The following CEP83 variants were observed in gnomAD, a reference collection of about 807,000 sequenced individuals.
The protein encoded by CEP83 is centrosomal protein 83.
CEP83 carries 70 observed loss-of-function variants against 101.9 expected under a neutral mutation model. That is an observed-to-expected ratio of 0.69 (90% CI 0.57 to 0.84). The LOEUF is 0.84. Ranked by LOEUF, CEP83 falls within the 40% of genes least tolerant of loss-of-function variation. CEP83 has a pLI of 0.00. For synonymous variants in CEP83, 264 were observed against 267.9 expected (o/e 0.99, Z 0.14); for missense variants, 715 against 787.2 (o/e 0.91, Z 1.10).
At chr12:94,266,859 G>A in the CEP83 span, among the ~76,000 whole-genome samples, 1 of 152,206 alleles carries the variant, frequency 6.6e-6, no homozygotes, top group East Asian at 1.9e-4. Flanking sequence ...AGATCTCATT[G>A]AACCCTTGTT....
intron 15 of CEP83, chr12:94,312,500 G>T: frequency 1.4e-6 from 1 of 725,094 alleles, no homozygotes; most frequent in Non-Finnish European, 1.7e-6. Context: ...ATTATCAGAT[G>T]TGCTTGAATG....
In CEP83 at chr12:94,375,994, T is replaced by G; in HGVS notation, c.825A>C (p.Leu275Phe). The change falls in exon 8 of 17, where the codon TTA (leucine) becomes TTC (phenylalanine). Residue 275 changes from leucine (L) to phenylalanine (F), a missense_variant. By Grantham distance (22) the Leu-to-Phe change is conservative. Transcript: ENST00000397809. ...GCTCTTTTTCCAAACGTTCTGCCCGTAAATTAGCTGATTGTTTTTCAGCCT... is the reference window on the plus strand; with the variant it reads ...GCTCTTTTTCCAAACGTTCTGCCCGGAAATTAGCTGATTGTTTTTCAGCCT... ...SLEAEKQSAN[L>F]RAERLEKELQ... 6.4e-7 allele frequency: 1 copy of G among 1,560,494 alleles called. No individual in the cohort carries two copies. Among genetic ancestry groups the G allele is most frequent in the African/African-American group, 1.4e-5 (1 of 73,302 alleles).
chr12:94,341,304 C>T (rs1034098185), intron 11 of CEP83, among the ~76,000 whole-genome samples: 4 of 151,922 alleles, frequency 2.6e-5, no homozygotes, highest in African/African-American at 7.3e-5. Flanking sequence ...ATCTACTTAT[C>T]ACAGATATAT....
chr12:94,309,881 A>T (rs760817589), intron 16 of CEP83, 37 bp downstream of exon 16: 4 of 1,310,606 alleles, frequency 3.1e-6, no homozygotes, highest in Non-Finnish European at 4.1e-6. Context: ...ACAAAAATGT[A>T]CGACTTTTTT....
Position 94,436,437 on chromosome 12 carries a change from C to T in CEP83, c.-154-1110G>A, listed in dbSNP as rs2065992727. Among the ~76,000 whole-genome samples, 4 of 151,986 alleles carry T rather than the reference C, an allele frequency of 2.6e-5. No individual in the cohort carries two copies. The South Asian group carries it at 6.2e-4, about 24-fold the overall frequency. ...AATTAAATACACACTTAGAGAAATG[C>T]AAAATGCACTGAAAAGTTCCAACAA... is the stretch of plus-strand genomic sequence containing the variant. On this transcript the variant is annotated intron_variant, in intron 1 of 16. Transcript: ENST00000397809.
At chr12:94,318,085 T>C (rs1432108061) in intron 14 of CEP83, among the ~76,000 whole-genome samples, 1 of 152,198 alleles carries the variant, frequency 6.6e-6, no homozygotes, top group Non-Finnish European at 1.5e-5. Context: ...ATTTGTATCA[T>C]CTCTGATTTG....
chr12:94,291,186 G>A, the CEP83 span, among the ~76,000 whole-genome samples: 1 of 152,220 alleles, frequency 6.6e-6, no homozygotes. Context: ...ACAGAGGCCT[G>A]CCTTTGTCAA....
intron 4 of CEP83, among the ~76,000 whole-genome samples, chr12:94,406,944 AC>A (rs1375973622): frequency 6.6e-6 from 1 of 151,746 alleles, no homozygotes; most frequent in Non-Finnish European, 1.5e-5. Flanking sequence ...AAAAAAAAAA[AC>A]AAAATTGAGC....
intron 11 of CEP83, among the ~76,000 whole-genome samples, chr12:94,363,262 A>G (rs2060862789): frequency 6.6e-6 from 1 of 152,218 alleles, no homozygotes; most frequent in Admixed American, 6.5e-5. Flanking sequence ...CACATTGTAT[A>G]CGTGAATCAA....
intron 2 of CEP83, among the ~76,000 whole-genome samples, chr12:94,430,117 A>G (rs907690841): frequency 2.0e-5 from 3 of 152,064 alleles, no homozygotes; most frequent in Non-Finnish European, 4.4e-5. Context: ...CACAATCCAG[A>G]GGCCTGGAGA....
intron 16 of CEP83, among the ~76,000 whole-genome samples, chr12:94,309,538 G>A (rs909954761): frequency 7.2e-5 from 11 of 152,040 alleles, no homozygotes; most frequent in East Asian, 1.9e-4. Context: ...AGCATTTTTC[G>A]TTAGTATTAG....
intron 16 of CEP83, 152 bp from the exon 17 acceptor site, chr12:94,309,069 C>A: frequency 1.7e-6 from 1 of 580,604 alleles, no homozygotes; most frequent in Non-Finnish European, 3.1e-6. Flanking sequence ...ATGGGCTAAA[C>A]TACCATCTAG....
intron 4 of CEP83, among the ~76,000 whole-genome samples, chr12:94,405,122 C>G (rs775447701): frequency 6.6e-6 from 1 of 152,010 alleles, no homozygotes; most frequent in Non-Finnish European, 1.5e-5. Context: ...GTGACAACAT[C>G]AAGAGTCCAA....
chr12:94,335,381 T>G (rs1254951670), intron 12 of CEP83, among the ~76,000 whole-genome samples: 2 of 152,022 alleles, frequency 1.3e-5, no homozygotes, highest in South Asian at 4.1e-4. Flanking sequence ...ATCTTAAGAA[T>G]AATAGCAGTT....
At chr12:94,417,557 G>A (rs142215342) in intron 2 of CEP83, among the ~76,000 whole-genome samples, 4,786 of 152,232 alleles carry the variant, frequency 0.031, 230 homozygotes, top group African/African-American at 0.1. Context: ...GGGAGGCCGA[G>A]GCAGGTGGAT....
At chr12:94,371,138 G>A (rs2061285317) in intron 8 of CEP83, among the ~76,000 whole-genome samples, 1 of 152,196 alleles carries the variant, frequency 6.6e-6, no homozygotes, top group African/African-American at 2.4e-5. Flanking sequence ...TAGAGCACCG[G>A]AAGATGTGAA....
At chr12:94,280,878 C>T in the CEP83 span, among the ~76,000 whole-genome samples, 5 of 152,190 alleles carry the variant, frequency 3.3e-5, no homozygotes, top group African/African-American at 9.7e-5. Context: ...AGGCAAGGAG[C>T]AGAGCAAGGA....
chr12:94,366,246 G>T (rs545068816), intron 11 of CEP83, among the ~76,000 whole-genome samples: 1 of 151,984 alleles, frequency 6.6e-6, no homozygotes, highest in African/African-American at 2.4e-5. Flanking sequence ...ACTCAAAACA[G>T]AATAGAATAG....
the CEP83 span, chr12:94,272,017 A>G: frequency 0.23 from 34,300 of 151,920 alleles, 4,005 homozygotes; most frequent in Admixed American, 0.28. Context: ...TGAACAGGAG[A>G]CGACCGTGAT....
Sources: allele counts gnomAD v4.1 joint callset (sites outside exome capture counted in the v4.1 genomes callset), GRCh38; gene constraint gnomAD v4.1.1; transcripts MANE v1.5; gene names NCBI Gene and HGNC (gene_info 2026-07-23, HGNC 2026-07-21).